The following TASP1 variants were observed in gnomAD, a reference collection of about 807,000 sequenced individuals.
TASP1 encodes the protein threonine aspartase 1.
Under a neutral mutation model 56.6 loss-of-function variants are expected in TASP1, and 16 were observed. That is an observed-to-expected ratio of 0.28 (90% CI 0.19 to 0.43). The LOEUF is 0.43. TASP1 is among the 20% of genes least tolerant of loss of function. TASP1 has a pLI of 1.00. For missense variants in TASP1, 393 were observed against 511.6 expected, an observed-to-expected ratio of 0.77 and a Z score of 2.24; for synonymous variants, 179 against 184.2, an observed-to-expected ratio of 0.97 and a Z score of 0.23.
chr20:13,356,735 T>G, the TASP1 span, among the ~76,000 whole-genome samples: 1 of 152,202 alleles, frequency 6.6e-6, no homozygotes, highest in Non-Finnish European at 1.5e-5. Flanking sequence ...TTGAAAGGCC[T>G]GCCTTAAACC....
the TASP1 span, among the ~76,000 whole-genome samples, chr20:13,216,044 C>A: frequency 6.6e-6 from 1 of 152,120 alleles, no homozygotes; most frequent in Non-Finnish European, 1.5e-5. Flanking sequence ...CCTTGGAGCT[C>A]CAAATTTCAG....
chr20:13,438,075 A>G (rs1308518178), intron 11 of TASP1, among the ~76,000 whole-genome samples: 2 of 144,678 alleles, frequency 1.4e-5, no homozygotes, highest in African/African-American at 5.1e-5. Context: ...TATAGATTCA[A>G]TGCCCAAGGT....
the TASP1 span, among the ~76,000 whole-genome samples, chr20:13,336,011 C>T: frequency 6.6e-6 from 1 of 152,120 alleles, no homozygotes; most frequent in Non-Finnish European, 1.5e-5. Flanking sequence ...GAAAAATTTA[C>T]ACCAAGGTGC....
intron 13 of TASP1, among the ~76,000 whole-genome samples, chr20:13,394,126 C>CA (rs1183092185): frequency 1.8e-4 from 27 of 150,006 alleles, no homozygotes; most frequent in East Asian, 1.6e-3. Flanking sequence ...ACTAAAAATA[C>CA]AAAAAAAATT....
chr20:13,379,538 T>C, the TASP1 span, among the ~76,000 whole-genome samples: 1 of 152,166 alleles, frequency 6.6e-6, no homozygotes, highest in Non-Finnish European at 1.5e-5. Context: ...TTGGTAAATC[T>C]GACAAACATG....
intron 10 of TASP1, among the ~76,000 whole-genome samples, chr20:13,501,788 T>G (rs1350676360): frequency 6.6e-6 from 1 of 151,940 alleles, no homozygotes; most frequent in East Asian, 1.9e-4. Context: ...AGAAATATAC[T>G]TTACTATACA....
chr20:13,604,831 G>A (rs1189957235), intron 4 of TASP1, among the ~76,000 whole-genome samples: 1 of 151,820 alleles, frequency 6.6e-6, no homozygotes. Context: ...TATGTTGCTA[G>A]TGAGAACACA....
At chr20:13,160,336 T>C in the TASP1 span, among the ~76,000 whole-genome samples, 10 of 152,124 alleles carry the variant, frequency 6.6e-5, no homozygotes, top group Admixed American at 3.3e-4. Context: ...TGAAAATCAG[T>C]TTAGTGAAGA....
intron 4 of TASP1, among the ~76,000 whole-genome samples, chr20:13,594,526 C>G (rs934723170): frequency 3.3e-5 from 5 of 152,092 alleles, no homozygotes; most frequent in African/African-American, 1.2e-4. Context: ...TAGAAAAGAC[C>G]TTAAATGACC....
chr20:13,486,760 C>T (rs1379828794), intron 10 of TASP1, among the ~76,000 whole-genome samples: 2 of 152,142 alleles, frequency 1.3e-5, no homozygotes, highest in African/African-American at 2.4e-5. Flanking sequence ...CAAAATCATA[C>T]CGACGTAGTC....
the TASP1 span, among the ~76,000 whole-genome samples, chr20:13,384,235 T>C: frequency 1.2e-4 from 19 of 152,194 alleles, no homozygotes; most frequent in African/African-American, 4.3e-4. Flanking sequence ...GAAATCCCCA[T>C]GGCAATTCAA....
At chr20:13,580,826 C>G in intron 6 of TASP1, 71 bp downstream of exon 6, 1 of 1,495,090 alleles carries the variant, frequency 6.7e-7, no homozygotes, top group Admixed American at 1.7e-5. Flanking sequence ...GGTATGTAAC[C>G]AACAGCATCA....
chr20:13,401,833 AC>A (rs2041748814), intron 13 of TASP1, among the ~76,000 whole-genome samples: 1 of 152,182 alleles, frequency 6.6e-6, no homozygotes, highest in African/African-American at 2.4e-5. Context: ...CTGTGAGCAA[AC>A]AGCAGGCATG....
chr20:13,353,110 C>T, the TASP1 span, among the ~76,000 whole-genome samples: 1 of 152,112 alleles, frequency 6.6e-6, no homozygotes, highest in African/African-American at 2.4e-5. Flanking sequence ...TTACTGGGCA[C>T]CTGTAGTCCC....
chr20:13,623,031 G>C (rs530784176), intron 4 of TASP1, among the ~76,000 whole-genome samples: 1 of 152,090 alleles, frequency 6.6e-6, no homozygotes, highest in African/African-American at 2.4e-5. Flanking sequence ...ACAATTTCAG[G>C]GTATATATCT....
intron 1 of TASP1, among the ~76,000 whole-genome samples, chr20:13,635,586 C>T (rs558946974): frequency 6.6e-6 from 1 of 152,160 alleles, no homozygotes; most frequent in South Asian, 2.1e-4. Context: ...CAGGAATTCA[C>T]TATGTTGGCC....
the TASP1 span, among the ~76,000 whole-genome samples, chr20:13,145,443 T>G: frequency 2.0e-5 from 3 of 152,010 alleles, no homozygotes; most frequent in African/African-American, 7.2e-5. Flanking sequence ...AGGTGAAAGA[T>G]CTCTACAATG....
chr20:13,621,030 G>A (rs2048695391), intron 4 of TASP1, among the ~76,000 whole-genome samples: 2 of 152,184 alleles, frequency 1.3e-5, no homozygotes, highest in Admixed American at 1.3e-4. Flanking sequence ...TCCAATTAGT[G>A]TAAGCTTAAC....
the TASP1 span, among the ~76,000 whole-genome samples, chr20:13,188,524 G>T: frequency 1.3e-5 from 2 of 152,000 alleles, no homozygotes; most frequent in Admixed American, 6.6e-5. Flanking sequence ...ACAGATGAAA[G>T]AAATCAAAGA....
Sources: gnomAD v4.1 joint callset for allele counts (sites outside exome capture counted in the v4.1 genomes callset) on GRCh38, gnomAD v4.1.1 for gene constraint, MANE v1.5 for transcripts, NCBI Gene and HGNC (gene_info 2026-07-23, HGNC 2026-07-21) for gene names.